Variants in EPB41 observed in about 807,000 individuals in gnomAD.
The protein encoded by EPB41 is erythrocyte membrane protein band 4.1, also known as protein 4.1.
EPB41 carries 65 observed loss-of-function variants against 108.0 expected under a neutral mutation model. The observed-to-expected ratio is 0.60, with a 90% CI of 0.49 to 0.74. EPB41 has a LOEUF of 0.74. Among genes scored for constraint, EPB41 ranks in the 30% least tolerant of loss-of-function variants. EPB41 has a pLI of 0.00. For missense variants in EPB41, 875 were observed against 1,037.0 expected (o/e 0.84, Z 2.15); for synonymous variants, 336 against 358.9 (o/e 0.94, Z 0.72).
intron 2 of EPB41, among the ~76,000 whole-genome samples, 181 bp from the exon 3 acceptor site, chr1:28,993,149 C>T (rs1572085833): frequency 6.6e-6 from 1 of 151,964 alleles, no homozygotes; most frequent in Admixed American, 6.6e-5. Flanking sequence ...GTTTTAATAA[C>T]AAAGTCTTTA....
At chr1:28,992,120 CATAG>C (rs2096036586) in intron 2 of EPB41, among the ~76,000 whole-genome samples, 1 of 152,200 alleles carries the variant, frequency 6.6e-6, no homozygotes, top group South Asian at 2.1e-4. Flanking sequence ...GTAGAGCGGG[CATAG>C]ATAGATAGGA....
At chr1:29,013,280 G>A (rs897268230) in intron 5 of EPB41, among the ~76,000 whole-genome samples, 2 of 150,828 alleles carry the variant, frequency 1.3e-5, no homozygotes, top group African/African-American at 4.9e-5. Flanking sequence ...AGCCGAGATC[G>A]CGCCACTGCA....
At chr1:28,924,534 A>AAT (rs1553168051) in intron 1 of EPB41, among the ~76,000 whole-genome samples, 1 of 152,030 alleles carries the variant, frequency 6.6e-6, no homozygotes, top group African/African-American at 2.4e-5. Flanking sequence ...CATCTCAAAA[A>AAT]AAAAATAAAA....
intron 7 of EPB41, among the ~76,000 whole-genome samples, chr1:29,024,477 C>CA (rs1280201345): frequency 2.7e-5 from 4 of 148,644 alleles, no homozygotes; most frequent in African/African-American, 1.0e-4. Context: ...ACTAAAAATA[C>CA]AAAAAATTAG....
chr1:28,992,549 C>T (rs1294535988), intron 2 of EPB41, among the ~76,000 whole-genome samples: 3 of 152,046 alleles, frequency 2.0e-5, no homozygotes, highest in South Asian at 2.1e-4. Context: ...ATTAGCTGGG[C>T]GTGGTGGCGG....
intron 6 of EPB41, among the ~76,000 whole-genome samples, chr1:29,016,254 CAACCTCAGCCT>C (rs2096576942): frequency 1.3e-5 from 2 of 152,162 alleles, no homozygotes; most frequent in African/African-American, 4.8e-5. Flanking sequence ...TGGCTCACTG[CAACCTCAGCCT>C]CCTGGGTTCG....
intron 16 of EPB41, among the ~76,000 whole-genome samples, chr1:29,082,536 C>A (rs1041090036): frequency 6.6e-6 from 1 of 152,162 alleles, no homozygotes; most frequent in African/African-American, 2.4e-5. Flanking sequence ...CAATTTTGTT[C>A]CATTCTAACT....
At position 29,117,069 on chromosome 1, in the gene EPB41, T is replaced by C. The variant is rs1043863685; in HGVS notation, c.*257T>C. 1 of 152,054 alleles carries C rather than the reference T, an allele frequency of 6.6e-6. No individual in the cohort carries two copies. The highest frequency in any genetic ancestry group is 1.5e-5 in the Non-Finnish European group (1 of 68,020). The allele number at this position is 152,054 out of a possible 1,614,324, so 9.4% of individuals were successfully genotyped here. On this transcript the variant is annotated 3_prime_UTR_variant, in exon 21 of 21. Coordinates refer to ENST00000343067, the MANE Select transcript of EPB41 (RefSeq NM_001376013.1). ...TTCACTCTATAGACTGTTTTAAGAG[T>C]TTTGGGGTTTTTTTAATTGGGTGGT...
chr1:28,938,655 C>T (rs978896328), intron 1 of EPB41, among the ~76,000 whole-genome samples: 1 of 151,924 alleles, frequency 6.6e-6, no homozygotes, highest in Admixed American at 6.6e-5. Flanking sequence ...ACCTCAGCCT[C>T]CTGAGTAGCT....
chr1:28,952,887 G>T (rs181991080), intron 1 of EPB41, among the ~76,000 whole-genome samples: 2 of 152,016 alleles, frequency 1.3e-5, no homozygotes, highest in African/African-American at 4.8e-5. Flanking sequence ...TCACCACCAC[G>T]CCCAGCTAAT....
chr1:28,933,757 G>A (rs2093860991), intron 1 of EPB41, among the ~76,000 whole-genome samples: 1 of 152,030 alleles, frequency 6.6e-6, no homozygotes, highest in Admixed American at 6.6e-5. Context: ...GAATACAGAG[G>A]TGATGTGTCC....
intron 1 of EPB41, among the ~76,000 whole-genome samples, chr1:28,927,066 A>G (rs2093485285): frequency 6.6e-6 from 1 of 152,214 alleles, no homozygotes; most frequent in African/African-American, 2.4e-5. Flanking sequence ...TTTGCAGCAG[A>G]TGTGAAAGTA....
At chr1:28,973,600 GC>G (rs1204620486) in intron 1 of EPB41, among the ~76,000 whole-genome samples, 1 of 152,008 alleles carries the variant, frequency 6.6e-6, no homozygotes. Context: ...TTGCTGTGTT[GC>G]CCAGGCTGGT....
intron 4 of EPB41, among the ~76,000 whole-genome samples, chr1:29,000,606 C>A (rs1331534797): frequency 6.6e-6 from 1 of 152,146 alleles, no homozygotes; most frequent in Non-Finnish European, 1.5e-5. Flanking sequence ...GCTTCAACTT[C>A]CCTGATAGTT....
chr1:28,916,696 C>G (rs1466278365), intron 1 of EPB41, among the ~76,000 whole-genome samples: 1 of 152,194 alleles, frequency 6.6e-6, no homozygotes, highest in Non-Finnish European at 1.5e-5. Context: ...ATTCCTCTGT[C>G]TTCTACCAAC....
Position 28,981,392 on chromosome 1 carries a change from TTC to T in EPB41, c.-7-6035_-7-6034del, listed in dbSNP as rs149825830. ...CATGTATAAAATGAATGTGAATGTA[TTC>T]TCTGAGGAGAGCCATGCTCTAAAAG... is the stretch of plus-strand genomic sequence containing the variant. On this transcript the variant is annotated intron_variant, in intron 1 of 20. Transcript: ENST00000343067. Among the ~76,000 whole-genome samples, 392 of 152,308 alleles carry T rather than the reference TTC, an allele frequency of 2.6e-3. 3 individuals carry two copies. The highest frequency in any genetic ancestry group is 9.0e-3 in the African/African-American group (374 of 41,568).
intron 1 of EPB41, among the ~76,000 whole-genome samples, chr1:28,950,621 C>T (rs1469342921): frequency 2.0e-5 from 3 of 152,246 alleles, no homozygotes; most frequent in Non-Finnish European, 2.9e-5. Context: ...CCTCCCCTCT[C>T]CCTTCTTGCT....
At chr1:29,016,057 C>CCAG (rs1195431184) in intron 6 of EPB41, among the ~76,000 whole-genome samples, 1 of 152,196 alleles carries the variant, frequency 6.6e-6, no homozygotes, top group Non-Finnish European at 1.5e-5. Flanking sequence ...AGGGCTTCTA[C>CCAG]CAGCACCCTC....
At chr1:29,087,320 T>C (rs1473957117) in intron 16 of EPB41, among the ~76,000 whole-genome samples, 2 of 152,110 alleles carry the variant, frequency 1.3e-5, no homozygotes, top group African/African-American at 4.8e-5. Flanking sequence ...AGACTCTGGA[T>C]TGCATTTGTT....
Sources: allele counts gnomAD v4.1 joint callset (sites outside exome capture counted in the v4.1 genomes callset), GRCh38; gene constraint gnomAD v4.1.1; transcripts MANE v1.5; gene names NCBI Gene and HGNC (gene_info 2026-07-23, HGNC 2026-07-21).